Variants in ATRN observed in about 807,000 individuals in gnomAD.
ATRN encodes the protein attractin.
Under a neutral mutation model 178.7 loss-of-function variants are expected in ATRN, and 54 were observed. The ratio of observed to expected loss-of-function variants is 0.30; its 90% CI spans 0.24 to 0.38. ATRN has a LOEUF of 0.38. Among genes scored for constraint, ATRN ranks in the 10% least tolerant of loss-of-function variants. ATRN has a pLI of 1.00. For synonymous variants in ATRN, 636 were observed against 663.0 expected (o/e 0.96, Z 0.63); for missense variants, 1,443 against 1,815.1 (o/e 0.79, Z 3.73).
At chr20:3,541,042 T>C (rs1169464379) in intron 3 of ATRN, among the ~76,000 whole-genome samples, 2 of 151,464 alleles carry the variant, frequency 1.3e-5, no homozygotes, top group Non-Finnish European at 2.9e-5. Context: ...AATTCAAAAC[T>C]ATCTCTAGTT....
At chr20:3,530,235 T>C (rs1035156148) in intron 1 of ATRN, among the ~76,000 whole-genome samples, 65 of 147,556 alleles carry the variant, frequency 4.4e-4, no homozygotes, top group African/African-American at 1.5e-3. Flanking sequence ...ATATATAATA[T>C]ATATATTAAA....
At chr20:3,492,872 C>CGCGCGCGCGCGT (rs2084820581) in intron 1 of ATRN, among the ~76,000 whole-genome samples, 2 of 105,714 alleles carry the variant, frequency 1.9e-5, no homozygotes, top group Non-Finnish European at 3.8e-5. Context: ...CGCGCGTGCG[C>CGCGCGCGCGCGT]ACGCACACAC....
intron 19 of ATRN, among the ~76,000 whole-genome samples, chr20:3,594,264 C>T (rs971104388): frequency 6.6e-6 from 1 of 152,246 alleles, no homozygotes. Flanking sequence ...CCAGCATTCA[C>T]TTTCCTCCTG....
chr20:3,482,148 A>G (rs941476512), intron 1 of ATRN, among the ~76,000 whole-genome samples: 18 of 152,126 alleles, frequency 1.2e-4, no homozygotes, highest in Admixed American at 9.8e-4. Context: ...AAAGATTATA[A>G]TGTCTATTTT....
chr20:3,602,963 CAAAAAAAAAAAAAA>C (rs3842439), intron 23 of ATRN, among the ~76,000 whole-genome samples: 4,297 of 41,028 alleles, frequency 0.1, 128 homozygotes, highest in Middle Eastern at 0.21. Context: ...AATTCCATCT[CAAAAAAAAAAAAAA>C]AAAAAAAAAA....
At chr20:3,595,908 T>C (rs2086522366) in intron 20 of ATRN, among the ~76,000 whole-genome samples, 1 of 152,198 alleles carries the variant, frequency 6.6e-6, no homozygotes, top group Non-Finnish European at 1.5e-5. Flanking sequence ...TTCTACAGAC[T>C]GGTGAACACT....
intron 1 of ATRN, among the ~76,000 whole-genome samples, chr20:3,493,412 G>A (rs1003329434): frequency 5.3e-5 from 8 of 150,728 alleles, no homozygotes; most frequent in African/African-American, 2.0e-4. Context: ...CATCTGCATC[G>A]GCCTCCCATA....
At chr20:3,551,523 A>G (rs770980453) in intron 6 of ATRN, among the ~76,000 whole-genome samples, 4 of 151,964 alleles carry the variant, frequency 2.6e-5, no homozygotes, top group Non-Finnish European at 5.9e-5. Context: ...TTGTACAGGA[A>G]TCTCTATCTC....
intron 1 of ATRN, among the ~76,000 whole-genome samples, chr20:3,488,603 G>C (rs2084732258): frequency 1.3e-5 from 2 of 152,174 alleles, no homozygotes; most frequent in East Asian, 3.8e-4. Context: ...CCTTATGCCA[G>C]TAATACTGCA....
At chr20:3,502,640 GA>G (rs1240711026) in intron 1 of ATRN, among the ~76,000 whole-genome samples, 5 of 152,194 alleles carry the variant, frequency 3.3e-5, no homozygotes, top group Non-Finnish European at 7.3e-5. Flanking sequence ...GTGGTGAGAG[GA>G]AGCACATTCC....
chr20:3,599,662 T>G (rs1003127352), intron 22 of ATRN, among the ~76,000 whole-genome samples: 2 of 152,194 alleles, frequency 1.3e-5, no homozygotes, highest in Non-Finnish European at 2.9e-5. Context: ...GAGGGTGGAC[T>G]TTTCATATGC....
intron 24 of ATRN, among the ~76,000 whole-genome samples, chr20:3,620,901 G>A (rs1231340848): frequency 2.0e-5 from 3 of 152,168 alleles, no homozygotes; most frequent in African/African-American, 4.8e-5. Context: ...CCCATGGCCC[G>A]CGGGCTACAT....
intron 1 of ATRN, among the ~76,000 whole-genome samples, chr20:3,475,863 G>T (rs988709876): frequency 2.0e-5 from 3 of 152,332 alleles, no homozygotes; most frequent in African/African-American, 7.2e-5. Context: ...TAATAATAGT[G>T]GGTGGGTGTA....
intron 25 of ATRN, among the ~76,000 whole-genome samples, chr20:3,629,917 G>A (rs1423522346): frequency 1.3e-5 from 2 of 149,032 alleles, no homozygotes; most frequent in Non-Finnish European, 3.0e-5. Context: ...TATCCTGGAA[G>A]CTCCCCCAAG....
chr20:3,520,378 T>C lies in ATRN; in HGVS notation c.411-14875T>C, dbSNP rs140284954. Among the ~76,000 whole-genome samples, 340 of 152,244 alleles carry C rather than the reference T, an allele frequency of 2.2e-3. 3 individuals carry two copies. Among genetic ancestry groups the C allele is most frequent in the East Asian group, 6.7e-3 (35 of 5,188 alleles). On this transcript the variant is annotated intron_variant, in intron 1 of 28. Transcript: ENST00000262919. ...TGTTTGACATCTTGTTTATAAATTA[T>C]AGTAAAGACATATGCTTTCAACAGT...
At chr20:3,491,172 C>T (rs1021070080) in intron 1 of ATRN, among the ~76,000 whole-genome samples, 5 of 152,110 alleles carry the variant, frequency 3.3e-5, no homozygotes, top group Non-Finnish European at 7.4e-5. Context: ...AAAAACCCTT[C>T]TTTGATCCCC....
At chr20:3,606,236 A>C (rs923431454) in intron 24 of ATRN, among the ~76,000 whole-genome samples, 4 of 151,966 alleles carry the variant, frequency 2.6e-5, no homozygotes, top group African/African-American at 9.7e-5. Flanking sequence ...ACATCCTGAA[A>C]CTGTCCTGTC....
chr20:3,502,136 C>T (rs947287430), intron 1 of ATRN, among the ~76,000 whole-genome samples: 1 of 151,794 alleles, frequency 6.6e-6, no homozygotes, highest in Non-Finnish European at 1.5e-5. Context: ...TATTTTACAA[C>T]ATGTAATAAA....
At chr20:3,629,629 C>CT (rs1006394599) in intron 25 of ATRN, among the ~76,000 whole-genome samples, 4 of 152,222 alleles carry the variant, frequency 2.6e-5, no homozygotes, top group African/African-American at 9.6e-5. Context: ...ACTTCAGACA[C>CT]TAAGCACAAA....
Sources: allele counts gnomAD v4.1 joint callset (sites outside exome capture counted in the v4.1 genomes callset), GRCh38; gene constraint gnomAD v4.1.1; transcripts MANE v1.5; gene names NCBI Gene and HGNC (gene_info 2026-07-23, HGNC 2026-07-21).